CEP162: variants seen among roughly 807,000 people sequenced by gnomAD.
The protein encoded by CEP162 is centrosomal protein 162.
Under a neutral mutation model 169.2 loss-of-function variants are expected in CEP162, and 141 were observed. The observed-to-expected ratio is 0.83, with a 90% CI of 0.73 to 0.96. The LOEUF (loss-of-function observed/expected upper bound fraction) is 0.96, where lower values mean the gene tolerates loss of function less well. Ranked by LOEUF, CEP162 falls within the 40% of genes least tolerant of loss-of-function variation. CEP162 has a pLI of 0.00. For missense variants in CEP162, 1,600 were observed against 1,587.2 expected (o/e 1.01, Z -0.14); for synonymous variants, 540 against 526.4 (o/e 1.03, Z -0.35).
At chr6:84,204,546 A>G (rs2099545962) in intron 6 of CEP162, among the ~76,000 whole-genome samples, 2 of 152,242 alleles carry the variant, frequency 1.3e-5, no homozygotes, top group African/African-American at 4.8e-5. Flanking sequence ...CAAAGACACA[A>G]CATACCAGAA....
intron 25 of CEP162, among the ~76,000 whole-genome samples, chr6:84,142,009 G>A (rs554587089): frequency 1.3e-5 from 2 of 152,218 alleles, no homozygotes; most frequent in South Asian, 4.1e-4. Context: ...CCATGTCTTT[G>A]AAATTTAAAC....
At position 84,149,604 on chromosome 6, in the gene CEP162, A is replaced by ATC; in HGVS notation, c.3728_3729insGA (p.Ser1244IlefsTer4). 6.2e-7 allele frequency: 1 copy of ATC among 1,604,380 alleles called. No individual in the cohort carries two copies. Among genetic ancestry groups the ATC allele is most frequent in the Non-Finnish European group, 8.5e-7 (1 of 1,175,056 alleles). ...TACGATTTAGTTCAGCTACTTTGGAAGAAGAATTTTCTACTGCATTTTGGC... is the reference window on the plus strand; with the variant it reads ...TACGATTTAGTTCAGCTACTTTGGAATCGAAGAATTTTCTACTGCATTTTGGC... On this transcript the variant is annotated frameshift_variant, in exon 24 of 27. Transcript: ENST00000403245. LOFTEE classifies it high-confidence loss of function.
chr6:84,194,903 G>GT lies in CEP162; in HGVS notation c.1007dup (p.Asn336LysfsTer8), dbSNP rs1246596907. ...TTTTACCAGATTCCATAGTAGAGAT[G>GT]TTTTTTGAATTCTCTTCATTTTCTT... On this transcript the variant is annotated frameshift_variant, in exon 10 of 27. Transcript: ENST00000403245. LOFTEE classifies it high-confidence loss of function. 6.2e-7 allele frequency: 1 copy of GT among 1,610,016 alleles called. No individual in the cohort carries two copies. Among genetic ancestry groups the GT allele is most frequent in the Non-Finnish European group, 8.5e-7 (1 of 1,177,854 alleles).
intron 13 of CEP162, among the ~76,000 whole-genome samples, chr6:84,181,298 T>A (rs986060742): frequency 6.6e-6 from 1 of 152,160 alleles, no homozygotes; most frequent in Non-Finnish European, 1.5e-5. Flanking sequence ...TGGCTAGCCA[T>A]ATGTAGAAAG....
At chr6:84,184,192 C>T (rs1038156728) in intron 13 of CEP162, among the ~76,000 whole-genome samples, 8 of 152,138 alleles carry the variant, frequency 5.3e-5, no homozygotes, top group African/African-American at 1.9e-4. Flanking sequence ...CCCTCACTCT[C>T]GTACATTGTC....
At chr6:84,210,901 G>C (rs952174320) in intron 6 of CEP162, among the ~76,000 whole-genome samples, 5 of 151,820 alleles carry the variant, frequency 3.3e-5, no homozygotes, top group Non-Finnish European at 5.9e-5. Context: ...CATAAGAAAA[G>C]CCTTGAAAAA....
Position 84,161,479 on chromosome 6 carries a change from T to C in CEP162, c.2676+267A>G, listed in dbSNP as rs140539815. Among the ~76,000 whole-genome samples, 955 of 151,808 alleles carry C rather than the reference T, an allele frequency of 6.3e-3. 4 individuals are homozygous for C. Among genetic ancestry groups the C allele is most frequent in the African/African-American group, 0.022 (919 of 41,386 alleles). On this transcript the variant is annotated intron_variant, in intron 20 of 26. Transcript: ENST00000403245. Reference sequence around the variant, plus strand: ...GAGCTCTGATGTGGCTGGAGAAGAGTGACTCAGGGGAGTGTGGTACCTGAT... The same window carrying C: ...GAGCTCTGATGTGGCTGGAGAAGAGCGACTCAGGGGAGTGTGGTACCTGAT...
chr6:84,156,438 C>A (rs1199668642), intron 21 of CEP162, among the ~76,000 whole-genome samples: 2 of 152,050 alleles, frequency 1.3e-5, no homozygotes, highest in Non-Finnish European at 2.9e-5. Context: ...TTTCAAAAGA[C>A]ATACAAGTGG....
chr6:84,180,338 C>A (rs368695426), intron 13 of CEP162, among the ~76,000 whole-genome samples: 1 of 152,062 alleles, frequency 6.6e-6, no homozygotes, highest in South Asian at 2.1e-4. Flanking sequence ...ATTGATGGGA[C>A]GTATCTCAAA....
chr6:84,148,326 C>T (rs548484465), intron 24 of CEP162, among the ~76,000 whole-genome samples: 8 of 152,100 alleles, frequency 5.3e-5, no homozygotes, highest in Admixed American at 1.3e-4. Flanking sequence ...GTCAGAAGTT[C>T]GAGACCAACC....
At chr6:84,182,224 C>T (rs1408699400) in intron 13 of CEP162, among the ~76,000 whole-genome samples, 2 of 151,966 alleles carry the variant, frequency 1.3e-5, no homozygotes, top group African/African-American at 4.8e-5. Context: ...ATCTGCTCAC[C>T]CAGCATAACA....
At chr6:84,155,267 A>G (rs1409246632) in intron 22 of CEP162, 31 bp downstream of exon 22, 1 of 1,550,644 alleles carries the variant, frequency 6.4e-7, no homozygotes. Context: ...TTCATCTCTG[A>G]CCTTTATCTC....
intron 6 of CEP162, among the ~76,000 whole-genome samples, chr6:84,209,752 A>T (rs1487759905): frequency 2.6e-5 from 4 of 152,180 alleles, no homozygotes; most frequent in Non-Finnish European, 5.9e-5. Context: ...GAAAAGTGCC[A>T]ATCTAATAAG....
intron 13 of CEP162, among the ~76,000 whole-genome samples, chr6:84,176,603 G>A (rs1040739740): frequency 5.9e-5 from 9 of 152,068 alleles, no homozygotes; most frequent in Admixed American, 2.6e-4. Flanking sequence ...ATTTTTTGAG[G>A]GTCAACATGA....
At chr6:84,218,401 CTG>C (rs1476980745) in intron 3 of CEP162, among the ~76,000 whole-genome samples, 6 of 152,178 alleles carry the variant, frequency 3.9e-5, no homozygotes, top group Non-Finnish European at 8.8e-5. Context: ...GGGTCTTGCT[CTG>C]TATTCCAAGA....
At chr6:84,152,484 T>C (rs1244764331) in intron 23 of CEP162, 61 bp downstream of exon 23, 2 of 928,770 alleles carry the variant, frequency 2.2e-6, no homozygotes, top group Non-Finnish European at 3.0e-6. Flanking sequence ...ATATATCGTA[T>C]AATTTTTCTA....
At chr6:84,180,339 G>A (rs375002607) in intron 13 of CEP162, among the ~76,000 whole-genome samples, 5,749 of 152,130 alleles carry the variant, frequency 0.038, 167 homozygotes, top group Admixed American at 0.092. Context: ...TTGATGGGAC[G>A]TATCTCAAAA....
At chr6:84,173,611 C>T (rs2099531075) in intron 16 of CEP162, among the ~76,000 whole-genome samples, 2 of 152,042 alleles carry the variant, frequency 1.3e-5, no homozygotes, top group South Asian at 4.1e-4. Flanking sequence ...AATACACAGA[C>T]TAGTCAAATT....
intron 20 of CEP162, 22 bp from the exon 21 acceptor site, chr6:84,160,938 G>A (rs1014397095): frequency 1.4e-6 from 2 of 1,460,040 alleles, no homozygotes; most frequent in Admixed American, 1.7e-5. Context: ...TAAATAACAT[G>A]TTAAGAAGCA....
Sources: gnomAD v4.1 joint callset for allele counts (sites outside exome capture counted in the v4.1 genomes callset) on GRCh38, gnomAD v4.1.1 for gene constraint, MANE v1.5 for transcripts, NCBI Gene and HGNC (gene_info 2026-07-23, HGNC 2026-07-21) for gene names.